SUSD4: variants seen among roughly 807,000 people sequenced by gnomAD.
SUSD4 encodes sushi domain containing 4.
SUSD4 carries 41 observed loss-of-function variants against 50.5 expected under a neutral mutation model. The observed-to-expected ratio is 0.81, with a 90% CI of 0.63 to 1.05. SUSD4 has a LOEUF of 1.05. Ranked by LOEUF, SUSD4 falls within the 50% of genes least tolerant of loss-of-function variation. SUSD4 has a pLI of 0.00. For missense variants in SUSD4, 580 were observed against 634.7 expected, an observed-to-expected ratio of 0.91 and a Z score of 0.93; for synonymous variants, 257 against 257.3, an observed-to-expected ratio of 1.00 and a Z score of 0.01.
intron 5 of SUSD4, among the ~76,000 whole-genome samples, chr1:223,254,576 A>T (rs560897089): frequency 6.6e-6 from 1 of 152,226 alleles, no homozygotes; most frequent in Non-Finnish European, 1.5e-5. Flanking sequence ...AGAGAAAAAG[A>T]GTCTAAAAAG....
chr1:223,284,123 C>T (rs903603432), intron 3 of SUSD4, among the ~76,000 whole-genome samples: 9 of 151,740 alleles, frequency 5.9e-5, no homozygotes, highest in African/African-American at 2.2e-4. Flanking sequence ...GGAGATATAC[C>T]CGATGTAAAT....
chr1:223,231,272 G>T lies in SUSD4; in HGVS notation c.725-1884C>A, dbSNP rs1659880510. Among the ~76,000 whole-genome samples, 1 of 152,162 alleles carries T rather than the reference G, an allele frequency of 6.6e-6. No individual in the cohort carries two copies. The highest frequency in any genetic ancestry group is 1.5e-5 in the Non-Finnish European group (1 of 68,014). ...CAGTGGGGAGCCAGGTGACAAGGGG[G>T]TCTGGGAAACAGGGTCTGCGGTGGA... On this transcript the variant is annotated intron_variant, in intron 5 of 8. Coordinates refer to ENST00000366878, the MANE Select transcript of SUSD4 (RefSeq NM_017982.4). The surrounding 1 kb of genome is among the most constrained non-coding windows in gnomAD (Gnocchi z 4.2).
intron 2 of SUSD4, among the ~76,000 whole-genome samples, chr1:223,341,898 C>T (rs917526008): frequency 1.4e-4 from 22 of 152,000 alleles, no homozygotes; most frequent in African/African-American, 4.4e-4. Flanking sequence ...CCCCCATCTG[C>T]GCCAAGTTAA....
chr1:223,328,361 C>T (rs1666992850), intron 2 of SUSD4, among the ~76,000 whole-genome samples: 1 of 152,178 alleles, frequency 6.6e-6, no homozygotes, highest in Non-Finnish European at 1.5e-5. Context: ...GGTGGCAGAG[C>T]CAGGACTAAG....
chr1:223,244,813 C>T (rs1660812116), intron 5 of SUSD4, among the ~76,000 whole-genome samples: 1 of 152,156 alleles, frequency 6.6e-6, no homozygotes, highest in African/African-American at 2.4e-5. Context: ...AGCTAAGCAA[C>T]AGACTGATTT....
chr1:223,272,142 G>C lies in SUSD4; in HGVS notation c.362-3467C>G, dbSNP rs546366231. 5.3e-5 allele frequency among the ~76,000 whole-genome samples: 8 copies of C among 152,300 alleles called. No individual in the cohort carries two copies. In the East Asian group the frequency reaches 1.5e-3, roughly 29 times the overall value. On this transcript the variant is annotated intron_variant, in intron 3 of 8. Coordinates refer to ENST00000366878, the MANE Select transcript of SUSD4 (RefSeq NM_017982.4). ...CTCGGGAGGCTGAGGCAGGAGAATC[G>C]CTTGAACCTGGGAGGTGGGGGTTGC...
chr1:223,237,166 A>G (rs1467507890), intron 5 of SUSD4, among the ~76,000 whole-genome samples: 1 of 152,076 alleles, frequency 6.6e-6, no homozygotes, highest in Non-Finnish European at 1.5e-5. Context: ...GCTAGTATAT[A>G]GGAATGTGAT....
At chr1:223,289,039 C>T in intron 3 of SUSD4, 1 of 937,996 alleles carries the variant, frequency 1.1e-6, no homozygotes, top group Non-Finnish European at 1.3e-6. Context: ...GAAAAGTATC[C>T]CCAAGTAGAC....
At position 223,275,409 on chromosome 1, in the gene SUSD4, C is replaced by T. The variant is rs535094022; in HGVS notation, c.362-6734G>A. Among the ~76,000 whole-genome samples, 3 of 152,286 alleles carry T rather than the reference C, an allele frequency of 2.0e-5. No homozygotes were observed. The South Asian group carries it at 6.2e-4, about 32-fold the overall frequency. The stretch of plus-strand genomic sequence containing the variant: ...TTAAAGAAACTTTAAGGTCACTTTC[C>T]ACCTTCTGGAAAGTTCAACAACAAG... On this transcript the variant is annotated intron_variant, in intron 3 of 8. Coordinates refer to ENST00000366878, the MANE Select transcript of SUSD4 (RefSeq NM_017982.4).
At chr1:223,270,167 G>T (rs986040973) in intron 3 of SUSD4, among the ~76,000 whole-genome samples, 1 of 152,168 alleles carries the variant, frequency 6.6e-6, no homozygotes, top group Non-Finnish European at 1.5e-5. Context: ...GGGATGCAGG[G>T]GTGGTGGCTG....
Position 223,324,939 on chromosome 1 carries a change from C to T in SUSD4, c.149-32288G>A, listed in dbSNP as rs141429271. 5.0e-3 allele frequency among the ~76,000 whole-genome samples: 757 copies of T among 152,174 alleles called. 10 individuals are homozygous for T. Among genetic ancestry groups the T allele is most frequent in the African/African-American group, 0.018 (727 of 41,528 alleles). Reference sequence around the variant, plus strand: ...CACCTCCTACCTAAGATCAATGCACCGTACTCCAGGAAGGGGTACTTTACT... The same window carrying T: ...CACCTCCTACCTAAGATCAATGCACTGTACTCCAGGAAGGGGTACTTTACT... On this transcript the variant is annotated intron_variant, in intron 2 of 8. Transcript: ENST00000366878.
At chr1:223,307,933 C>T (rs1237241460) in intron 2 of SUSD4, among the ~76,000 whole-genome samples, 1 of 152,138 alleles carries the variant, frequency 6.6e-6, no homozygotes, top group Non-Finnish European at 1.5e-5. Flanking sequence ...CAATTCTGTT[C>T]TTTCCCCCCA....
intron 3 of SUSD4, among the ~76,000 whole-genome samples, chr1:223,271,242 G>A (rs1025418399): frequency 1.1e-4 from 16 of 152,188 alleles, no homozygotes; most frequent in African/African-American, 2.9e-4. Context: ...GGATAGAAGC[G>A]TCCCTTTGGG....
At chr1:223,311,650 T>C (rs961792434) in intron 2 of SUSD4, among the ~76,000 whole-genome samples, 4 of 152,246 alleles carry the variant, frequency 2.6e-5, no homozygotes, top group African/African-American at 9.6e-5. Context: ...TGCAAACAGA[T>C]TCTTGTTTAT....
chr1:223,359,673 C>A (rs79626914), intron 2 of SUSD4, among the ~76,000 whole-genome samples: 8,300 of 152,286 alleles, frequency 0.055, 292 homozygotes, highest in East Asian at 0.12. Flanking sequence ...GAGACACAAA[C>A]ATGAATAAAG....
rs552215652 is a variant in SUSD4 at position 223,283,791 on chromosome 1, T to C, written c.361+8648A>G. Among the ~76,000 whole-genome samples the C allele has an allele frequency of 8.8e-4, 134 of 152,336 alleles. 1 individual carries two copies. Among genetic ancestry groups the C allele is most frequent in the Non-Finnish European group, 1.3e-3 (90 of 68,032 alleles). On this transcript the variant is annotated intron_variant, in intron 3 of 8. Transcript: ENST00000366878. Reference sequence around the variant, plus strand: ...AAAGGCACATGCACAGGTATGTTTATTGCAGCACTATTCACAATAGCAAAG... The same window carrying C: ...AAAGGCACATGCACAGGTATGTTTACTGCAGCACTATTCACAATAGCAAAG...
At chr1:223,291,748 A>C (rs956605966) in intron 3 of SUSD4, among the ~76,000 whole-genome samples, 7 of 152,262 alleles carry the variant, frequency 4.6e-5, no homozygotes, top group African/African-American at 1.7e-4. Flanking sequence ...TGGTCTTCTG[A>C]GATATATCAT....
chr1:223,325,470 T>C (rs1032757320), intron 2 of SUSD4, among the ~76,000 whole-genome samples: 11 of 152,286 alleles, frequency 7.2e-5, no homozygotes, highest in African/African-American at 1.2e-4. Context: ...ATTCATCCTA[T>C]GGTTTCACCC....
At chr1:223,317,850 T>C (rs12120328) in intron 2 of SUSD4, among the ~76,000 whole-genome samples, 42,175 of 102,980 alleles carry the variant, frequency 0.41, 6,760 homozygotes, top group South Asian at 0.48. Flanking sequence ...TTTTTTTTTT[T>C]CTTTTTTTTT....
Sources: allele counts gnomAD v4.1 joint callset (sites outside exome capture counted in the v4.1 genomes callset), GRCh38; gene constraint gnomAD v4.1.1; non-coding constraint Gnocchi (gnomAD v3.1); transcripts MANE v1.5; gene names NCBI Gene and HGNC (gene_info 2026-07-23, HGNC 2026-07-21).